ABCA1: variants seen among roughly 807,000 people sequenced by gnomAD.
The protein encoded by ABCA1 is ATP binding cassette subfamily A member 1, also known as phospholipid-transporting ATPase ABCA1.
Under a neutral mutation model 262.5 loss-of-function variants are expected in ABCA1, and 133 were observed. The ratio of observed to expected loss-of-function variants is 0.51; its 90% CI spans 0.44 to 0.59. ABCA1 has a LOEUF of 0.59. Among genes scored for constraint, ABCA1 ranks in the 20% least tolerant of loss-of-function variants. The pLI, the probability that ABCA1 is intolerant of heterozygous loss-of-function variation, is 0.00. For synonymous variants in ABCA1, 1,022 were observed against 1,043.5 expected, an observed-to-expected ratio of 0.98 and a Z score of 0.40; for missense variants, 2,452 against 2,777.5, an observed-to-expected ratio of 0.88 and a Z score of 2.63.
In ABCA1 at chr9:104,862,196, C is replaced by T. The variant is rs141287212; in HGVS notation, c.422-396G>A. 1.3e-3 allele frequency among the ~76,000 whole-genome samples: 191 copies of T among 152,124 alleles called. 2 individuals are homozygous for T. In the East Asian group the frequency reaches 0.03, roughly 24 times the overall value. On this transcript the variant is annotated intron_variant, in intron 5 of 49. Coordinates refer to ENST00000374736, the MANE Select transcript of ABCA1 (RefSeq NM_005502.4). ...TCAGCTCACTGCAACCCCCGCCTCC[C>T]GGGTTCAAGAGATTCTCCTGCCTCA...
At chr9:104,902,647 T>A (rs1207965552) in intron 2 of ABCA1, among the ~76,000 whole-genome samples, 2 of 152,180 alleles carry the variant, frequency 1.3e-5, no homozygotes, top group South Asian at 2.1e-4. Context: ...TAAGTAACAC[T>A]ATAATAAAAA....
chr9:104,788,584 A>G lies in ABCA1; in HGVS notation c.5928-17T>C. On this transcript the variant is annotated splice_polypyrimidine_tract_variant and intron_variant, in intron 44 of 49. Transcript: ENST00000374736. Reference sequence around the variant, plus strand: ...GATAAGATACTGCAAAGGACAAGAAAACTACTTAGATTTTAAGCAGGTAGA... The same window carrying G: ...GATAAGATACTGCAAAGGACAAGAAGACTACTTAGATTTTAAGCAGGTAGA... 1 of 1,613,970 alleles carries G rather than the reference A, an allele frequency of 6.2e-7. No individual in the cohort carries two copies. The highest frequency in any genetic ancestry group is 2.2e-5 in the East Asian group (1 of 44,880).
chr9:104,858,839 C>A (rs541236725), intron 6 of ABCA1, 141 bp from the exon 7 acceptor site: 2 of 806,346 alleles, frequency 2.5e-6, no homozygotes. Context: ...CAGTCCAATG[C>A]ATCAGGTCTC....
intron 1 of ABCA1, among the ~76,000 whole-genome samples, chr9:104,913,558 CA>C (rs893071409): frequency 1.3e-4 from 20 of 152,082 alleles, no homozygotes; most frequent in Admixed American, 6.5e-5. Context: ...ATTCTTTGTC[CA>C]CAGAAAGGGC....
At chr9:104,883,276 G>T in intron 4 of ABCA1, 119 bp from the exon 5 acceptor site, 1 of 860,616 alleles carries the variant, frequency 1.2e-6, no homozygotes, top group Non-Finnish European at 2.0e-6. Context: ...TCCACAGGCT[G>T]GCCCTAACCC....
At chr9:104,814,255 C>T in intron 26 of ABCA1, 24 bp from the exon 27 acceptor site, 1 of 1,609,854 alleles carries the variant, frequency 6.2e-7, no homozygotes, top group South Asian at 1.1e-5. Flanking sequence ...GAAAGAATCC[C>T]ATACTTTATT....
At chr9:104,826,123 A>T (rs1007179218) in intron 16 of ABCA1, among the ~76,000 whole-genome samples, 1 of 152,226 alleles carries the variant, frequency 6.6e-6, no homozygotes, top group Non-Finnish European at 1.5e-5. Context: ...AAATGCATAT[A>T]CAGTGAAGCA....
intron 1 of ABCA1, among the ~76,000 whole-genome samples, chr9:104,922,032 T>G (rs1842163957): frequency 1.3e-5 from 2 of 152,120 alleles, no homozygotes; most frequent in African/African-American, 4.8e-5. Flanking sequence ...TTAAAGGAGG[T>G]TTGCAAAAGC....
chr9:104,853,405 G>C (rs999649677), intron 7 of ABCA1, among the ~76,000 whole-genome samples: 14 of 152,192 alleles, frequency 9.2e-5, no homozygotes, highest in African/African-American at 2.9e-4. Context: ...ACTGCTGTGA[G>C]GGAGCTGGTC....
chr9:104,837,347 A>G lies in ABCA1; in HGVS notation c.1194+81T>C, dbSNP rs557987689. On this transcript the variant is annotated intron_variant, in intron 10 of 49. Transcript: ENST00000374736. ...AGAGCCGTGAGTATACTTAGCGCACACCTCTGAAGCTACCTTGAGTTTTTT... is the reference window on the plus strand; with the variant it reads ...AGAGCCGTGAGTATACTTAGCGCACGCCTCTGAAGCTACCTTGAGTTTTTT... The G allele has an allele frequency of 1.8e-5, 29 of 1,575,382 alleles. No individual in the cohort carries two copies. In the African/African-American group the frequency reaches 2.4e-4, roughly 13 times the overall value.
Position 104,848,974 on chromosome 9 carries a change from A to G in ABCA1, c.721-3405T>C, listed in dbSNP as rs1394977644. On this transcript the variant is annotated intron_variant, in intron 7 of 49. Transcript: ENST00000374736. ...GATGTTTCTAAAAACCCCAAACCCAACATTCACCCATTGTCACCATTACCG... is the reference window on the plus strand; with the variant it reads ...GATGTTTCTAAAAACCCCAAACCCAGCATTCACCCATTGTCACCATTACCG... 2.0e-5 allele frequency among the ~76,000 whole-genome samples: 3 copies of G among 152,132 alleles called. No individual in the cohort carries two copies. In the East Asian group the frequency reaches 5.8e-4, roughly 29 times the overall value.
rs777986921 is a variant in ABCA1 at position 104,825,774 on chromosome 9, A to G, written c.2451T>C (p.Asp817=). 4 of 1,614,260 alleles carry G rather than the reference A, an allele frequency of 2.5e-6. No homozygotes were observed. The highest frequency in any genetic ancestry group is 1.7e-5 in the Admixed American group (1 of 60,030). ...AGACCGAAGTGGTGAGATTGAAGCCATCTTCCTCCACAGGACTCTCAAACA... is the reference window on the plus strand; with the variant it reads ...AGACCGAAGTGGTGAGATTGAAGCCGTCTTCCTCCACAGGACTCTCAAACA... ...DNLFESPVEE[D]GFNLTTSVSM... Residue 817 remains aspartate (D), a synonymous_variant, in exon 17 of 50, where the codon GAT becomes GAC. Transcript: ENST00000374736.
intron 36 of ABCA1, chr9:104,799,324 A>C: frequency 1.8e-6 from 1 of 545,332 alleles, no homozygotes; most frequent in South Asian, 7.4e-5. Context: ...TTTAGAGACC[A>C]GATTCAAACC....
chr9:104,812,537 T>C (rs1208467208), intron 28 of ABCA1, 37 bp downstream of exon 28: 5 of 1,613,592 alleles, frequency 3.1e-6, no homozygotes, highest in African/African-American at 2.7e-5. Context: ...AGCCCACCCA[T>C]GAAGCCAGAG....
chr9:104,867,448 C>T (rs1837199832), intron 5 of ABCA1, among the ~76,000 whole-genome samples: 1 of 152,164 alleles, frequency 6.6e-6, no homozygotes, highest in African/African-American at 2.4e-5. Context: ...AACCTTAAAG[C>T]ATATTCAGAA....
chr9:104,926,746 C>T (rs1338352818), intron 1 of ABCA1, among the ~76,000 whole-genome samples: 1 of 152,204 alleles, frequency 6.6e-6, no homozygotes, highest in Non-Finnish European at 1.5e-5. Context: ...TACTCCCGGT[C>T]ATTCCACGGC....
chr9:104,825,669 C>T lies in ABCA1; in HGVS notation c.2542+14G>A, dbSNP rs1246012449. On this transcript the variant is annotated intron_variant, in intron 17 of 49. Coordinates refer to ENST00000374736, the MANE Select transcript of ABCA1 (RefSeq NM_005502.4). ...GAAGTCATATTTTCCAAACAGATGC[C>T]CAAAGCAGTGTACCTGGAAAGACAG... 1 of 1,613,768 alleles carries T rather than the reference C, an allele frequency of 6.2e-7. No individual in the cohort carries two copies. Among genetic ancestry groups the T allele is most frequent in the South Asian group, 1.1e-5 (1 of 91,086 alleles).
Position 104,787,982 on chromosome 9 carries a change from C to T in ABCA1, c.6142G>A (p.Gly2048Ser). ...GCTGTAGAGAGCTTGCGTTTGTTGC[C>T]TCCACTATAGTTACCAGCATATTTT... Reference protein sequence around the residue: ...GEKYAGNYSGGNKRKLSTAMA... With the variant: ...GEKYAGNYSGSNKRKLSTAMA... Residue 2048 changes from glycine (G) to serine (S), a missense_variant, in exon 46 of 50, where the codon GGC becomes AGC. Gly to Ser is a moderately conservative substitution (Grantham distance 56). Transcript: ENST00000374736. 6.2e-7 allele frequency: 1 copy of T among 1,614,208 alleles called. No individual in the cohort carries two copies.
At chr9:104,913,871 C>T (rs1678589622) in intron 1 of ABCA1, among the ~76,000 whole-genome samples, 1 of 152,220 alleles carries the variant, frequency 6.6e-6, no homozygotes, top group Non-Finnish European at 1.5e-5. Context: ...TCTCGGCTCA[C>T]TGCAAGCTCC....
Sources: allele counts gnomAD v4.1 joint callset (sites outside exome capture counted in the v4.1 genomes callset), GRCh38; gene constraint gnomAD v4.1.1; transcripts MANE v1.5; gene names NCBI Gene and HGNC (gene_info 2026-07-23, HGNC 2026-07-21).